Variants in RIMS2 observed in about 807,000 individuals in gnomAD.
RIMS2 encodes the protein regulating synaptic membrane exocytosis 2.
In RIMS2, 59 loss-of-function variants were observed where a neutral mutation model predicts 174.4. The observed-to-expected ratio is 0.34, with a 90% CI of 0.27 to 0.42. RIMS2 has a LOEUF of 0.42. RIMS2 is among the 10% of genes least tolerant of loss of function. The pLI is 1.00. For synonymous variants in RIMS2, 606 were observed against 572.5 expected (o/e 1.06, Z -0.84); for missense variants, 1,620 against 1,666.3 (o/e 0.97, Z 0.48).
intron 19 of RIMS2, among the ~76,000 whole-genome samples, chr8:104,193,274 A>G (rs542768462): frequency 2.0e-5 from 3 of 152,032 alleles, no homozygotes; most frequent in African/African-American, 7.2e-5. Context: ...TGGTTTTCAG[A>G]TCTTCTTCCT....
chr8:103,539,513 G>A (rs1841523966), intron 1 of RIMS2, among the ~76,000 whole-genome samples: 1 of 152,156 alleles, frequency 6.6e-6, no homozygotes, highest in Non-Finnish European at 1.5e-5. Flanking sequence ...TGGCTTACCT[G>A]AGATGCCAGG....
At chr8:103,689,915 ATTG>A (rs2096993526) in intron 1 of RIMS2, among the ~76,000 whole-genome samples, 1 of 8,336 alleles carries the variant, frequency 1.2e-4, no homozygotes, top group Non-Finnish European at 2.0e-4. Context: ...TTTTTGTTTG[ATTG>A]TTTGTTTGTT....
intron 1 of RIMS2, among the ~76,000 whole-genome samples, chr8:103,594,024 G>A (rs2133416086): frequency 6.6e-6 from 1 of 151,574 alleles, no homozygotes; most frequent in East Asian, 1.9e-4. Flanking sequence ...TTCAGATTCT[G>A]TATTTGTGAA....
chr8:104,249,664 A>C (rs2099352554), intron 22 of RIMS2, 76 bp downstream of exon 28: 9 of 825,798 alleles, frequency 1.1e-5, no homozygotes, highest in Non-Finnish European at 1.8e-5. Flanking sequence ...TGATTGGTTT[A>C]GACCTTTGAT....
intron 14 of RIMS2, among the ~76,000 whole-genome samples, chr8:103,947,162 T>C (rs148302438): frequency 1.3e-5 from 2 of 152,300 alleles, no homozygotes; most frequent in East Asian, 1.9e-4. Context: ...AAAGAAAACA[T>C]AGGAGAAAAA....
intron 1 of RIMS2, among the ~76,000 whole-genome samples, chr8:103,647,210 A>T (rs1344248032): frequency 6.6e-6 from 1 of 152,068 alleles, no homozygotes; most frequent in Non-Finnish European, 1.5e-5. Flanking sequence ...ATGCTTTTTT[A>T]TGTGCTGCTG....
At chr8:103,689,667 T>G (rs1325902986) in intron 1 of RIMS2, among the ~76,000 whole-genome samples, 1 of 152,112 alleles carries the variant, frequency 6.6e-6, no homozygotes, top group African/African-American at 2.4e-5. Context: ...CTGATACAAG[T>G]ATAGTTACTC....
chr8:103,979,529 CA>C (rs1259131216), intron 16 of RIMS2, among the ~76,000 whole-genome samples: 2 of 152,134 alleles, frequency 1.3e-5, no homozygotes, highest in Non-Finnish European at 2.9e-5. Context: ...GGGGACAAAG[CA>C]AGATGGGGAA....
intron 7 of RIMS2, among the ~76,000 whole-genome samples, chr8:103,916,046 G>A (rs2154528417): frequency 6.6e-6 from 1 of 152,004 alleles, no homozygotes; most frequent in African/African-American, 2.4e-5. Flanking sequence ...TTAGATACTG[G>A]AAACCCTTTA....
intron 1 of RIMS2, among the ~76,000 whole-genome samples, chr8:103,659,039 G>A (rs1023097027): frequency 6.6e-5 from 10 of 152,168 alleles, no homozygotes; most frequent in Non-Finnish European, 1.5e-4. Flanking sequence ...GATAGAAATC[G>A]AAGAGTCCTT....
chr8:104,087,225 A>C (rs554438596), intron 19 of RIMS2, among the ~76,000 whole-genome samples: 17 of 152,142 alleles, frequency 1.1e-4, no homozygotes, highest in African/African-American at 3.9e-4. Context: ...TTTGATCATT[A>C]AACATTCATT....
intron 19 of RIMS2, among the ~76,000 whole-genome samples, chr8:104,183,275 T>C (rs547277120): frequency 1.4e-3 from 216 of 151,948 alleles, no homozygotes; most frequent in Admixed American, 3.9e-3. Context: ...CAAAGTTAAA[T>C]TTGCAATTCA....
chr8:103,788,920 G>A (rs542684763), intron 3 of RIMS2, among the ~76,000 whole-genome samples: 25 of 152,322 alleles, frequency 1.6e-4, no homozygotes, highest in African/African-American at 6.0e-4. Context: ...AGCAATCAGC[G>A]AGACTCCGTG....
intron 1 of RIMS2, among the ~76,000 whole-genome samples, chr8:103,647,202 G>C (rs1203010324): frequency 6.6e-6 from 1 of 152,072 alleles, no homozygotes; most frequent in Non-Finnish European, 1.5e-5. Context: ...TGGTGGATAT[G>C]CTTTTTTATG....
At position 103,509,573 on chromosome 8, in the gene RIMS2, A is replaced by G. The variant is rs1008745354; in HGVS notation, c.176+8511A>G. Among the ~76,000 whole-genome samples, 18 of 152,128 alleles carry G rather than the reference A, an allele frequency of 1.2e-4. No individual in the cohort carries two copies. The South Asian group carries it at 1.7e-3, about 14-fold the overall frequency. ...GTGGAAGTTGGTGAAGATTCTGTGC[A>G]TCTTTATATTAGCTTACTGAATTAT... is the stretch of plus-strand genomic sequence containing the variant. On this transcript the variant is annotated intron_variant, in intron 1 of 23. Coordinates refer to ENST00000504942, the Ensembl canonical transcript of RIMS2.
At chr8:103,791,219 T>C (rs946066031) in intron 3 of RIMS2, among the ~76,000 whole-genome samples, 1 of 152,130 alleles carries the variant, frequency 6.6e-6, no homozygotes, top group Non-Finnish European at 1.5e-5. Context: ...TAACAGCAGA[T>C]CTCTTTGCAG....
exon 13 of RIMS2, chr8:103,936,690 G>A: frequency 6.2e-7 from 1 of 1,609,224 alleles, no homozygotes; most frequent in Non-Finnish European, 8.5e-7. Context: ...TCAAGCTCGT[G>A]TTCGAGAGGA....
chr8:103,699,360 G>A (rs1199044428), intron 2 of RIMS2, among the ~76,000 whole-genome samples: 1 of 152,028 alleles, frequency 6.6e-6, no homozygotes, highest in Non-Finnish European at 1.5e-5. Context: ...CCGAGTAGCA[G>A]GAACTATGAG....
chr8:104,183,826 G>A (rs2098953698), intron 19 of RIMS2, among the ~76,000 whole-genome samples: 1 of 151,516 alleles, frequency 6.6e-6, no homozygotes, highest in Admixed American at 6.6e-5. Context: ...GTTAATTTAT[G>A]TATCATCACC....
Sources: gnomAD v4.1 joint callset for allele counts (sites outside exome capture counted in the v4.1 genomes callset) on GRCh38, gnomAD v4.1.1 for gene constraint, MANE v1.5 for transcripts, NCBI Gene and HGNC (gene_info 2026-07-23, HGNC 2026-07-21) for gene names.